WDPCP: variants seen among roughly 807,000 people sequenced by gnomAD.
WDPCP encodes the protein WD repeat-containing and planar cell polarity effector protein fritz homolog.
WDPCP carries 71 observed loss-of-function variants against 93.1 expected under a neutral mutation model. The observed-to-expected ratio is 0.76, with a 90% CI of 0.63 to 0.93. The LOEUF is 0.93. WDPCP is among the 40% of genes least tolerant of loss of function. The pLI, the probability that WDPCP is intolerant of heterozygous loss-of-function variation, is 0.00. For missense variants in WDPCP, 844 were observed against 887.4 expected (o/e 0.95, Z 0.62); for synonymous variants, 315 against 315.0 (o/e 1.00, Z 0.00).
chr2:63,744,533 C>T (rs1575763084), intron 2 of WDPCP, among the ~76,000 whole-genome samples: 1 of 152,092 alleles, frequency 6.6e-6, no homozygotes, highest in Non-Finnish European at 1.5e-5. Context: ...AACTCAGACT[C>T]TCTGGAAAAC....
chr2:63,628,877 G>A (rs1166205978), intron 3 of WDPCP, among the ~76,000 whole-genome samples: 1 of 152,154 alleles, frequency 6.6e-6, no homozygotes, highest in Admixed American at 6.5e-5. Context: ...AAACCAACTT[G>A]GAGCTGGAAT....
intron 2 of WDPCP, among the ~76,000 whole-genome samples, chr2:63,684,017 G>C (rs1310083105): frequency 6.6e-6 from 1 of 152,134 alleles, no homozygotes; most frequent in African/African-American, 2.4e-5. Flanking sequence ...CTAATACAAT[G>C]ATAGCCGGAG....
intron 2 of WDPCP, among the ~76,000 whole-genome samples, chr2:63,756,669 T>G (rs1178700847): frequency 6.6e-6 from 1 of 152,184 alleles, no homozygotes; most frequent in East Asian, 1.9e-4. Context: ...TCTAGTCTAT[T>G]TGAGTTCCAG....
At chr2:63,227,478 T>C (rs1353496746) in intron 14 of WDPCP, among the ~76,000 whole-genome samples, 2 of 152,030 alleles carry the variant, frequency 1.3e-5, no homozygotes, top group Non-Finnish European at 2.9e-5. Flanking sequence ...AGAAAACCTT[T>C]CTTGCTATCT....
chr2:63,402,419 A>G (rs1694225293), intron 10 of WDPCP, among the ~76,000 whole-genome samples: 1 of 152,206 alleles, frequency 6.6e-6, no homozygotes, highest in Non-Finnish European at 1.5e-5. Context: ...CCACCATGGC[A>G]CATGTATACC....
intron 12 of WDPCP, among the ~76,000 whole-genome samples, chr2:63,340,745 C>T (rs1436847797): frequency 2.0e-5 from 3 of 152,136 alleles, no homozygotes; most frequent in Non-Finnish European, 1.5e-5. Context: ...GGATCTGTAT[C>T]ATCCTCATAT....
In WDPCP at chr2:63,827,402, T is replaced by A. The variant is rs1366538042; in HGVS notation, n.222+220A>T. Among the ~76,000 whole-genome samples the A allele has an allele frequency of 3.3e-5, 5 of 152,170 alleles. No homozygotes were observed. The East Asian group carries it at 9.6e-4, about 29-fold the overall frequency. On this transcript the variant is annotated intron_variant and non_coding_transcript_variant, in intron 1 of 4. Coordinates refer to the WDPCP transcript ENST00000467687. ...GTTCAATCAAACCAGTGCACAGGTTTTATGGTCTCCTATACATGTTGATTG... is the reference window on the plus strand; with the variant it reads ...GTTCAATCAAACCAGTGCACAGGTTATATGGTCTCCTATACATGTTGATTG...
chr2:63,401,093 T>G (rs1023111443), intron 10 of WDPCP, among the ~76,000 whole-genome samples: 45 of 152,102 alleles, frequency 3.0e-4, no homozygotes, highest in Admixed American at 1.4e-3. Flanking sequence ...GAGCAAAGAC[T>G]TCATGACGAA....
At chr2:63,735,179 G>C (rs1177452665) in intron 2 of WDPCP, among the ~76,000 whole-genome samples, 1 of 152,170 alleles carries the variant, frequency 6.6e-6, no homozygotes, top group Non-Finnish European at 1.5e-5. Context: ...CTATAATATA[G>C]AGTGGAAGTG....
intron 13 of WDPCP, 79 bp from the exon 14 acceptor site, chr2:63,259,488 T>A: frequency 9.1e-7 from 1 of 1,102,768 alleles, no homozygotes; most frequent in Non-Finnish European, 1.4e-6. Context: ...GAAGGAAACT[T>A]ATTGTCCAGA....
At chr2:63,185,391 TC>T (rs1158952037) in intron 14 of WDPCP, among the ~76,000 whole-genome samples, 6 of 151,644 alleles carry the variant, frequency 4.0e-5, no homozygotes, top group Non-Finnish European at 8.8e-5. Flanking sequence ...GGACAGGACT[TC>T]CCCCCCTCTC....
intron 14 of WDPCP, among the ~76,000 whole-genome samples, chr2:63,187,115 T>C (rs918823670): frequency 2.6e-5 from 4 of 152,158 alleles, no homozygotes; most frequent in Admixed American, 2.0e-4. Context: ...TTATATAGTA[T>C]CCTTCTTAGT....
chr2:63,702,496 C>T (rs1437179354), intron 2 of WDPCP, among the ~76,000 whole-genome samples: 2 of 151,452 alleles, frequency 1.3e-5, no homozygotes, highest in East Asian at 3.9e-4. Flanking sequence ...ATATTTAAGC[C>T]TACATTTTTA....
chr2:63,699,389 C>T (rs1006484506), intron 2 of WDPCP, among the ~76,000 whole-genome samples: 3 of 152,208 alleles, frequency 2.0e-5, no homozygotes, highest in African/African-American at 7.2e-5. Context: ...AAGCAATTTG[C>T]AGGACCGAAT....
At chr2:63,700,653 G>A (rs756303539) in intron 2 of WDPCP, among the ~76,000 whole-genome samples, 1 of 151,922 alleles carries the variant, frequency 6.6e-6, no homozygotes, top group Non-Finnish European at 1.5e-5. Context: ...ACCCAGCATG[G>A]TACTCACATA....
chr2:63,278,282 T>C (rs561581540), intron 13 of WDPCP, among the ~76,000 whole-genome samples: 3 of 152,192 alleles, frequency 2.0e-5, no homozygotes, highest in African/African-American at 7.2e-5. Context: ...GGAAAGTTCA[T>C]AGCACTAAAT....
At chr2:63,341,961 T>C (rs959549539) in intron 12 of WDPCP, among the ~76,000 whole-genome samples, 2 of 152,202 alleles carry the variant, frequency 1.3e-5, no homozygotes, top group African/African-American at 4.8e-5. Context: ...ACATATATGG[T>C]TGGATCATGT....
chr2:63,681,606 A>C (rs1710491575), intron 2 of WDPCP, among the ~76,000 whole-genome samples: 1 of 152,118 alleles, frequency 6.6e-6, no homozygotes, highest in Non-Finnish European at 1.5e-5. Flanking sequence ...TCCCTGGGGC[A>C]ACTCACCACC....
At chr2:63,767,312 G>A (rs1327642251) in intron 2 of WDPCP, among the ~76,000 whole-genome samples, 1 of 152,164 alleles carries the variant, frequency 6.6e-6, no homozygotes, top group Non-Finnish European at 1.5e-5. Context: ...GAATATTCAT[G>A]TATAAGTCTT....
Sources: allele counts gnomAD v4.1 joint callset (sites outside exome capture counted in the v4.1 genomes callset), GRCh38; gene constraint gnomAD v4.1.1; transcripts MANE v1.5; gene names NCBI Gene and HGNC (gene_info 2026-07-23, HGNC 2026-07-21).